The following NHSL3 variants were observed in gnomAD, a reference collection of about 807,000 sequenced individuals.
The protein encoded by NHSL3 is NHS-like protein 3.
At chr1:32,742,374 A>G in the NHSL3 span, among the ~76,000 whole-genome samples, 1 of 152,162 alleles carries the variant, frequency 6.6e-6, no homozygotes, top group African/African-American at 2.4e-5. Context: ...CAGTTTCCAG[A>G]CCCAGTCCTG....
At chr1:32,742,090 C>T in the NHSL3 span, 3 of 1,254,294 alleles carry the variant, frequency 2.4e-6, no homozygotes, top group Non-Finnish European at 2.0e-6. Context: ...GGGCAAGCGG[C>T]GCAAGAAGAA....
At chr1:32,765,875 C>A in the NHSL3 span, 27 of 1,484,212 alleles carry the variant, frequency 1.8e-5, no homozygotes, top group African/African-American at 2.6e-4. Flanking sequence ...CGATGCCTCC[C>A]TTTCCCAGAC....
the NHSL3 span, chr1:32,765,508 C>T: frequency 3.6e-4 from 278 of 778,658 alleles, 1 homozygote; most frequent in South Asian, 3.9e-3. Flanking sequence ...AGAGCACCCA[C>T]GGACTCCTGG....
the NHSL3 span, chr1:32,754,089 A>T: frequency 1.5e-6 from 1 of 669,840 alleles, no homozygotes; most frequent in South Asian, 1.6e-5. Context: ...CCGCACCCGC[A>T]ATGGGGAACT....
At chr1:32,763,515 A>G in the NHSL3 span, among the ~76,000 whole-genome samples, 10 of 152,098 alleles carry the variant, frequency 6.6e-5, no homozygotes, top group Non-Finnish European at 1.5e-5. Context: ...ACCTGCCCTG[A>G]CTGGCTCCTC....
chr1:32,742,100 A>G, the NHSL3 span: 1 of 1,251,350 alleles, frequency 8.0e-7, no homozygotes, highest in Non-Finnish European at 1.0e-6. Flanking sequence ...CGCAAGAAGA[A>G]GGCGGCGGGG....
At chr1:32,745,585 A>G in the NHSL3 span, among the ~76,000 whole-genome samples, 1 of 147,978 alleles carries the variant, frequency 6.8e-6, no homozygotes, top group East Asian at 2.0e-4. Flanking sequence ...AAAATGGACA[A>G]CTCTGCTTCC....
chr1:32,771,154 G>T, the NHSL3 span: 1 of 1,612,000 alleles, frequency 6.2e-7, no homozygotes, highest in South Asian at 1.1e-5. Flanking sequence ...TGACAGGTTT[G>T]TCATACCTCC....
chr1:32,765,383 C>T, the NHSL3 span, among the ~76,000 whole-genome samples: 2 of 152,234 alleles, frequency 1.3e-5, no homozygotes, highest in African/African-American at 4.8e-5. Flanking sequence ...GGTAGCCCCT[C>T]CACCTACCAT....
At chr1:32,769,792 G>A in the NHSL3 span, 7 of 1,610,876 alleles carry the variant, frequency 4.3e-6, no homozygotes, top group Non-Finnish European at 5.9e-6. Context: ...GCTTGGTGAG[G>A]CCTGGGTTAG....
At chr1:32,771,327 A>G in the NHSL3 span, 3 of 1,591,798 alleles carry the variant, frequency 1.9e-6, no homozygotes, top group South Asian at 1.1e-5. Context: ...CCTTGACTCC[A>G]CTGCAGGAGT....
chr1:32,754,856 G>C, the NHSL3 span, among the ~76,000 whole-genome samples: 1 of 152,144 alleles, frequency 6.6e-6, no homozygotes, highest in East Asian at 1.9e-4. Context: ...TGGCGCGATC[G>C]GGAGTCGGAC....
the NHSL3 span, chr1:32,772,280 C>CCCCCCCCCCCCCCCCCCCATA: frequency 6.3e-7 from 1 of 1,599,330 alleles, no homozygotes; most frequent in Non-Finnish European, 8.5e-7. Flanking sequence ...GTGGGAGTCC[C>CCCCCCCCCCCCCCCCCCCATA]CCCACCCGCC....
chr1:32,763,390 T>A, the NHSL3 span, among the ~76,000 whole-genome samples: 2 of 152,084 alleles, frequency 1.3e-5, no homozygotes, highest in Admixed American at 1.3e-4. Context: ...TACCATTCTT[T>A]CCATTGCTCA....
the NHSL3 span, chr1:32,765,635 T>C: frequency 1.8e-5 from 27 of 1,529,630 alleles, no homozygotes; most frequent in East Asian, 2.9e-4. Context: ...CCCTCCTCTG[T>C]CTGGAGCCGG....
the NHSL3 span, chr1:32,753,916 G>A: frequency 4.2e-6 from 1 of 236,830 alleles, no homozygotes. Context: ...CCTCCTCCGG[G>A]CCCGCCCCCG....
At chr1:32,771,799 G>T in the NHSL3 span, 1 of 1,613,126 alleles carries the variant, frequency 6.2e-7, no homozygotes, top group South Asian at 1.1e-5. Context: ...CAGGGAGGAC[G>T]TAGGTGCGCC....
chr1:32,747,426 G>A, the NHSL3 span, among the ~76,000 whole-genome samples: 2,000 of 152,152 alleles, frequency 0.013, 16 homozygotes, highest in Middle Eastern at 0.024. Context: ...GCCCGCCTTG[G>A]CATCCCAAAG....
the NHSL3 span, among the ~76,000 whole-genome samples, chr1:32,757,891 G>T: frequency 6.6e-6 from 1 of 152,180 alleles, no homozygotes; most frequent in Non-Finnish European, 1.5e-5. Context: ...GAAAGCCTGC[G>T]GCCCCGGCCC....
Sources: gnomAD v4.1 joint callset for allele counts (sites outside exome capture counted in the v4.1 genomes callset) on GRCh38, gnomAD v4.1.1 for gene constraint, MANE v1.5 for transcripts, NCBI Gene and HGNC (gene_info 2026-07-23, HGNC 2026-07-21) for gene names.